The following ADAMTS3 variants were observed in gnomAD, a reference collection of about 807,000 sequenced individuals.
ADAMTS3 encodes ADAM metallopeptidase with thrombospondin type 1 motif 3, also known as A disintegrin and metalloproteinase with thrombospondin motifs 3.
Under a neutral mutation model 129.0 loss-of-function variants are expected in ADAMTS3, and 73 were observed. The ratio of observed to expected loss-of-function variants is 0.57; its 90% confidence interval spans 0.47 to 0.69. ADAMTS3 has a LOEUF of 0.69. Ranked by LOEUF, ADAMTS3 falls within the 30% of genes least tolerant of loss-of-function variation. ADAMTS3 has a pLI of 0.00. For synonymous variants in ADAMTS3, 477 were observed against 510.8 expected (o/e 0.93, Z 0.89); for missense variants, 1,457 against 1,514.5 (o/e 0.96, Z 0.63).
At chr4:72,455,516 T>C (rs981468421) in intron 3 of ADAMTS3, among the ~76,000 whole-genome samples, 1 of 150,732 alleles carries the variant, frequency 6.6e-6, no homozygotes, top group Non-Finnish European at 1.5e-5. Context: ...GAGAAATACC[T>C]AATGTAGATG....
chr4:72,539,755 C>G (rs1446787263), intron 3 of ADAMTS3, among the ~76,000 whole-genome samples: 1 of 152,116 alleles, frequency 6.6e-6, no homozygotes, highest in Non-Finnish European at 1.5e-5. Flanking sequence ...CTCACAAGAT[C>G]TGATGGTTTT....
chr4:72,400,914 C>CAT (rs562672883), intron 4 of ADAMTS3, among the ~76,000 whole-genome samples: 1,548 of 146,298 alleles, frequency 0.011, 19 homozygotes, highest in South Asian at 0.044. Context: ...ATATATTGGA[C>CAT]ATATATATAT....
intron 4 of ADAMTS3, among the ~76,000 whole-genome samples, chr4:72,411,366 C>T (rs1212415707): frequency 6.6e-6 from 1 of 152,034 alleles, no homozygotes; most frequent in East Asian, 1.9e-4. Flanking sequence ...GTGGGAGAAG[C>T]ACAATTTTTG....
intron 4 of ADAMTS3, among the ~76,000 whole-genome samples, chr4:72,390,279 G>A (rs2109891968): frequency 6.6e-6 from 1 of 152,218 alleles, no homozygotes; most frequent in Non-Finnish European, 1.5e-5. Context: ...AAGTCTCTGG[G>A]ATTCTTCATG....
chr4:72,517,511 A>G (rs1244098140), intron 3 of ADAMTS3, among the ~76,000 whole-genome samples: 3 of 152,184 alleles, frequency 2.0e-5, no homozygotes. Context: ...CCACAATTTC[A>G]GAGCCTGTTA....
At chr4:72,470,463 T>C (rs1260167007) in intron 3 of ADAMTS3, among the ~76,000 whole-genome samples, 9 of 150,592 alleles carry the variant, frequency 6.0e-5, no homozygotes, top group Non-Finnish European at 1.3e-4. Flanking sequence ...TCATAATATA[T>C]ACATATTATG....
In ADAMTS3 at chr4:72,417,931, T is replaced by TTAAAAA. The variant is rs76545577; in HGVS notation, c.505-2961_505-2960insTTTTTA. On this transcript the variant is annotated intron_variant, in intron 3 of 21. Coordinates refer to ENST00000286657, the MANE Select transcript of ADAMTS3 (RefSeq NM_014243.3). ...CTGGGCGACAGAGGGAGACTCCATC[T>TTAAAAA]CAAAAAAAAAAAAGTAAGTACTTTA... Among the ~76,000 whole-genome samples, 26 of 100,674 alleles carry TTAAAAA rather than the reference T, an allele frequency of 2.6e-4. 4 individuals are homozygous for TTAAAAA. Among genetic ancestry groups the TTAAAAA allele is most frequent in the South Asian group, 8.4e-4 (2 of 2,394 alleles). 66.0% of individuals were successfully genotyped at this position (100,674 alleles called of 152,430 possible).
chr4:72,569,059 G>A lies in ADAMTS3; in HGVS notation c.-297C>T. The stretch of plus-strand genomic sequence containing the variant: ...CAGGCTAAGCCTGGGAGAGGGGGAA[G>A]GGACGAGGGGCTTTCCAACTATCTC... On this transcript the variant is annotated 5_prime_UTR_variant, in exon 1 of 22. Coordinates refer to ENST00000286657, the MANE Select transcript of ADAMTS3 (RefSeq NM_014243.3). 1 of 466,236 alleles carries A rather than the reference G, an allele frequency of 2.1e-6. No homozygotes were observed. Among genetic ancestry groups the A allele is most frequent in the East Asian group, 3.8e-5 (1 of 26,354 alleles). 28.9% of individuals were successfully genotyped at this position (466,236 alleles called of 1,614,324 possible). A position where few individuals can be genotyped will look rare whatever the true frequency, so the allele number is the denominator to read the frequency against.
chr4:72,508,922 C>T (rs971739460), intron 3 of ADAMTS3, among the ~76,000 whole-genome samples: 14 of 152,010 alleles, frequency 9.2e-5, no homozygotes, highest in Admixed American at 2.6e-4. Context: ...TAATATCAAG[C>T]ATCTTCTCTA....
chr4:72,421,576 T>C (rs773666519), intron 3 of ADAMTS3, among the ~76,000 whole-genome samples: 9 of 152,088 alleles, frequency 5.9e-5, no homozygotes, highest in Non-Finnish European at 1.3e-4. Flanking sequence ...GAGAGTTTTG[T>C]CAAAGAAAAA....
intron 3 of ADAMTS3, among the ~76,000 whole-genome samples, chr4:72,432,273 C>T (rs1722719766): frequency 6.6e-6 from 1 of 151,880 alleles, no homozygotes; most frequent in African/African-American, 2.4e-5. Context: ...ATCCTCCATG[C>T]CACATAATGG....
At chr4:72,389,532 A>AAC (rs1721531831) in intron 4 of ADAMTS3, among the ~76,000 whole-genome samples, 1 of 149,436 alleles carries the variant, frequency 6.7e-6, no homozygotes, top group African/African-American at 2.6e-5. Context: ...AAAAAAACAA[A>AAC]AAAAAAAAAT....
At chr4:72,525,429 C>G (rs774565819) in intron 3 of ADAMTS3, among the ~76,000 whole-genome samples, 1 of 152,128 alleles carries the variant, frequency 6.6e-6, no homozygotes, top group Non-Finnish European at 1.5e-5. Flanking sequence ...AGAAAACAAG[C>G]TAGTATATAG....
chr4:72,452,974 A>G (rs1393469977), intron 3 of ADAMTS3, among the ~76,000 whole-genome samples: 1 of 151,738 alleles, frequency 6.6e-6, no homozygotes, highest in Non-Finnish European at 1.5e-5. Context: ...GGGGTATGAA[A>G]ACTGCCCCTG....
At chr4:72,568,459 G>A (rs112567385) in intron 1 of ADAMTS3, among the ~76,000 whole-genome samples, 1 of 152,060 alleles carries the variant, frequency 6.6e-6, no homozygotes, top group Admixed American at 6.5e-5. Flanking sequence ...TGAAGCCCTA[G>A]GTGTGACAAG....
At chr4:72,530,954 T>C (rs1262757312) in intron 3 of ADAMTS3, among the ~76,000 whole-genome samples, 1 of 148,742 alleles carries the variant, frequency 6.7e-6, no homozygotes, top group Non-Finnish European at 1.5e-5. Flanking sequence ...AATGGAGTCT[T>C]AAAAGTCATA....
intron 3 of ADAMTS3, among the ~76,000 whole-genome samples, chr4:72,430,065 AAATC>A (rs1722660445): frequency 6.6e-6 from 1 of 152,028 alleles, no homozygotes; most frequent in South Asian, 2.1e-4. Flanking sequence ...TGAAAAAAGA[AAATC>A]CCATGAATCA....
At chr4:72,287,568 A>C (rs1165057278) in intron 21 of ADAMTS3, among the ~76,000 whole-genome samples, 1 of 151,844 alleles carries the variant, frequency 6.6e-6, no homozygotes, top group Admixed American at 6.6e-5. Context: ...AAAGAATGAT[A>C]GGAGGTACAG....
chr4:72,328,987 A>G lies in ADAMTS3; in HGVS notation c.862-5890T>C, dbSNP rs111811463. On this transcript the variant is annotated intron_variant, in intron 5 of 21. Coordinates refer to ENST00000286657, the MANE Select transcript of ADAMTS3 (RefSeq NM_014243.3). ...CCTCAGAAAACAGAGGTGTCTCCCA[A>G]TCTGCCAACTCTTCCCTCATCTCCA... is the stretch of plus-strand genomic sequence containing the variant. Among the ~76,000 whole-genome samples the G allele has an allele frequency of 1.6e-3, 241 of 152,274 alleles. 2 individuals are homozygous for G. Among genetic ancestry groups the G allele is most frequent in the African/African-American group, 5.6e-3 (233 of 41,560 alleles).
Sources: allele counts gnomAD v4.1 joint callset (sites outside exome capture counted in the v4.1 genomes callset), GRCh38; gene constraint gnomAD v4.1.1; transcripts MANE v1.5; gene names NCBI Gene and HGNC (gene_info 2026-07-23, HGNC 2026-07-21).